The following HSF2BP variants were observed in gnomAD, a reference collection of about 807,000 sequenced individuals.
The protein encoded by HSF2BP is heat shock factor 2-binding protein.
A neutral mutation model predicts 35.0 loss-of-function variants in HSF2BP; 35 were observed. The ratio of observed to expected loss-of-function variants is 1.00; its 90% CI spans 0.76 to 1.32. The LOEUF (loss-of-function observed/expected upper bound fraction) is 1.32. Among genes scored for constraint, HSF2BP ranks in the 40% most tolerant of loss-of-function variants. HSF2BP has a pLI of 0.00. For missense variants in HSF2BP, 326 were observed against 321.7 expected, an observed-to-expected ratio of 1.01 and a Z score of -0.10; for synonymous variants, 114 against 117.4, an observed-to-expected ratio of 0.97 and a Z score of 0.18.
intron 3 of HSF2BP, among the ~76,000 whole-genome samples, chr21:43,645,308 T>C (rs1363069168): frequency 2.0e-5 from 3 of 152,132 alleles, no homozygotes; most frequent in South Asian, 4.1e-4. Flanking sequence ...AGTTTCCAAT[T>C]TGGAACGTCT....
intron 6 of HSF2BP, among the ~76,000 whole-genome samples, chr21:43,619,124 T>C (rs759816453): frequency 3.3e-5 from 5 of 152,112 alleles, no homozygotes; most frequent in Non-Finnish European, 7.4e-5. Context: ...ATTTCATACT[T>C]AACAGACTAA....
chr21:43,641,420 A>T (rs2082635360), intron 4 of HSF2BP, among the ~76,000 whole-genome samples: 1 of 152,156 alleles, frequency 6.6e-6, no homozygotes, highest in Non-Finnish European at 1.5e-5. Context: ...GCAGGTATCA[A>T]GACCCAGTGC....
chr21:43,617,939 G>GC (rs1246428053), intron 6 of HSF2BP, among the ~76,000 whole-genome samples: 1 of 149,602 alleles, frequency 6.7e-6, no homozygotes, highest in African/African-American at 2.5e-5. Flanking sequence ...GGGCAACAGA[G>GC]CAAAACTCAG....
rs914096702 is a variant in HSF2BP, at chr21:43,655,377, C to A, written c.187+1210G>T. 1.2e-4 allele frequency among the ~76,000 whole-genome samples: 18 copies of A among 152,232 alleles called. No homozygotes were observed. In the South Asian group the frequency reaches 3.7e-3, roughly 32 times the overall value. On this transcript the variant is annotated intron_variant, in intron 3 of 8. Coordinates refer to ENST00000291560, the MANE Select transcript of HSF2BP (RefSeq NM_007031.2). ...AGTCCCAGTGGGAAAGAGAAATCAA[C>A]CCAGATGTTGAGACTTTTCTGAAGG...
chr21:43,631,076 G>A (rs1414599854), intron 5 of HSF2BP, among the ~76,000 whole-genome samples: 1 of 152,180 alleles, frequency 6.6e-6, no homozygotes, highest in Admixed American at 6.5e-5. Flanking sequence ...CTGGGTTGTG[G>A]TGATGGTTAA....
At chr21:43,641,149 C>A (rs998725606) in intron 4 of HSF2BP, among the ~76,000 whole-genome samples, 1 of 152,140 alleles carries the variant, frequency 6.6e-6, no homozygotes, top group South Asian at 2.1e-4. Context: ...CCCACCACCA[C>A]GCCTGGCTAA....
chr21:43,635,856 G>T (rs1203341045), intron 4 of HSF2BP, among the ~76,000 whole-genome samples: 1 of 151,170 alleles, frequency 6.6e-6, no homozygotes, highest in African/African-American at 2.4e-5. Context: ...TTGAACCCAG[G>T]AGGGGGCGAC....
At chr21:43,610,092 A>C (rs1375484572) in intron 7 of HSF2BP, 1 of 152,418 alleles carries the variant, frequency 6.6e-6, no homozygotes, top group Non-Finnish European at 1.5e-5. Context: ...GCAATGGATT[A>C]GTATCCAGAA....
intron 3 of HSF2BP, among the ~76,000 whole-genome samples, chr21:43,651,681 A>G (rs1389875494): frequency 1.3e-5 from 2 of 152,024 alleles, no homozygotes; most frequent in Non-Finnish European, 2.9e-5. Flanking sequence ...TATACCCCCA[A>G]TCCTTATTCC....
At position 43,656,757 on chromosome 21, in the gene HSF2BP, T is replaced by G; in HGVS notation, c.37-20A>C. The G allele has an allele frequency of 6.3e-7, 1 of 1,597,524 alleles. No homozygotes were observed. The highest frequency in any genetic ancestry group is 8.5e-7 in the Non-Finnish European group (1 of 1,174,068). ...CATGTGCTAAAAGAACAAGCAGATC[T>G]TATTATATTTCTCTTCACATGAGAA... On this transcript the variant is annotated intron_variant, in intron 2 of 8. Transcript: ENST00000291560.
intron 6 of HSF2BP, among the ~76,000 whole-genome samples, chr21:43,628,444 C>T (rs974138862): frequency 6.6e-6 from 1 of 152,178 alleles, no homozygotes; most frequent in Non-Finnish European, 1.5e-5. Context: ...GAGAAAAGCC[C>T]CAATGCTCTT....
intron 7 of HSF2BP, among the ~76,000 whole-genome samples, chr21:43,608,475 G>A (rs1455445393): frequency 6.6e-6 from 1 of 152,082 alleles, no homozygotes; most frequent in Non-Finnish European, 1.5e-5. Context: ...ACTGAAAAAA[G>A]GGAACTCGTA....
In HSF2BP at chr21:43,658,097, G is replaced by GGCC. The variant is rs1568949671; in HGVS notation, c.-4_-2dup. On this transcript the variant is annotated 5_prime_UTR_variant, in exon 2 of 9. Coordinates refer to ENST00000291560, the MANE Select transcript of HSF2BP (RefSeq NM_007031.2). ...CCTCAGCGGCGCCCGCTTCGCCCAT[G>GGCC]GCCGCTGCCGCCTCCGCTCCGTTCG... 6.5e-7 allele frequency: 1 copy of GGCC among 1,534,346 alleles called. No homozygotes were observed. The highest frequency in any genetic ancestry group is 8.7e-7 in the Non-Finnish European group (1 of 1,145,348).
At chr21:43,599,137 T>C (rs1200506358) in intron 7 of HSF2BP, among the ~76,000 whole-genome samples, 1 of 152,246 alleles carries the variant, frequency 6.6e-6, no homozygotes, top group Non-Finnish European at 1.5e-5. Context: ...CTTTGCTGAC[T>C]GCCATTTAGA....
chr21:43,467,453 G>A, the HSF2BP span, among the ~76,000 whole-genome samples: 4 of 98,512 alleles, frequency 4.1e-5, no homozygotes, highest in Non-Finnish European at 6.0e-5. Context: ...GATGACCTGC[G>A]GAAGTACTTG....
chr21:43,596,599 C>G (rs1217100346), intron 7 of HSF2BP, among the ~76,000 whole-genome samples: 4 of 152,108 alleles, frequency 2.6e-5, no homozygotes, highest in Non-Finnish European at 5.9e-5. Context: ...AGAGGGGTGG[C>G]TCATGCCTAT....
At chr21:43,571,873 T>C (rs1338473916) in intron 8 of HSF2BP, among the ~76,000 whole-genome samples, 1 of 145,528 alleles carries the variant, frequency 6.9e-6, no homozygotes, top group African/African-American at 2.6e-5. Flanking sequence ...AGTGGGGATG[T>C]CAGTGGTGTA....
chr21:43,649,580 G>T (rs987830167), intron 3 of HSF2BP, among the ~76,000 whole-genome samples: 1 of 152,060 alleles, frequency 6.6e-6, no homozygotes, highest in South Asian at 2.1e-4. Flanking sequence ...ATTTTAAAAG[G>T]TTAAAATTAT....
intron 6 of HSF2BP, among the ~76,000 whole-genome samples, chr21:43,623,050 C>A (rs550120776): frequency 6.6e-6 from 1 of 151,946 alleles, no homozygotes; most frequent in African/African-American, 2.4e-5. Context: ...GCAGTCCTCC[C>A]ACCTGAGTCT....
Sources: gnomAD v4.1 joint callset for allele counts (sites outside exome capture counted in the v4.1 genomes callset) on GRCh38, gnomAD v4.1.1 for gene constraint, MANE v1.5 for transcripts, NCBI Gene and HGNC (gene_info 2026-07-23, HGNC 2026-07-21) for gene names.